FMN2: variants seen among roughly 807,000 people sequenced by gnomAD.
FMN2 encodes the protein formin 2, also known as formin-2.
FMN2 carries 51 observed loss-of-function variants against 142.3 expected under a neutral mutation model. That is an observed-to-expected ratio of 0.36 (90% CI 0.29 to 0.45). The LOEUF is 0.45. Among genes scored for constraint, FMN2 ranks in the 20% least tolerant of loss-of-function variants. The probability of loss-of-function intolerance (pLI) is 1.00; values close to 1 mark genes in which losing one functional copy is unlikely to be tolerated. For missense variants in FMN2, 1,936 were observed against 2,122.8 expected (o/e 0.91, Z 1.73); for synonymous variants, 882 against 869.8 (o/e 1.01, Z -0.25).
At chr1:240,170,143 C>T in intron 2 of FMN2, 2 of 727,166 alleles carry the variant, frequency 2.8e-6, no homozygotes, top group African/African-American at 1.8e-5. Context: ...TACAGTCCAT[C>T]CCTGGCGCCG....
chr1:240,398,123 G>C (rs902277331), intron 15 of FMN2, among the ~76,000 whole-genome samples: 1 of 151,670 alleles, frequency 6.6e-6, no homozygotes, highest in Admixed American at 6.6e-5. Context: ...AGCCTCCCCA[G>C]TAGCTAGAAT....
intron 15 of FMN2, 66 bp from the exon 16 acceptor site, chr1:240,437,995 G>A (rs950280389): frequency 2.6e-6 from 4 of 1,547,280 alleles, no homozygotes; most frequent in African/African-American, 1.4e-5. Context: ...TTTGGATAGA[G>A]AAAGAATATC....
chr1:240,138,634 G>T (rs949900856), intron 2 of FMN2, among the ~76,000 whole-genome samples: 1 of 152,072 alleles, frequency 6.6e-6, no homozygotes, highest in Non-Finnish European at 1.5e-5. Context: ...TTGAACCAAG[G>T]AGCTGGCGGT....
At chr1:240,462,626 A>G (rs1045291111) in intron 16 of FMN2, among the ~76,000 whole-genome samples, 1 of 152,180 alleles carries the variant, frequency 6.6e-6, no homozygotes, top group Non-Finnish European at 1.5e-5. Context: ...ATCATCATCC[A>G]TTCATTTAGT....
chr1:240,309,627 A>C (rs4261106), intron 8 of FMN2, among the ~76,000 whole-genome samples: 31,161 of 152,014 alleles, frequency 0.2, 3,454 homozygotes, highest in Admixed American at 0.33. Context: ...CCGCTGACCA[A>C]TTGTGCTGCA....
intron 8 of FMN2, among the ~76,000 whole-genome samples, chr1:240,317,265 G>T (rs965207629): frequency 2.6e-5 from 4 of 151,274 alleles, no homozygotes; most frequent in African/African-American, 9.7e-5. Context: ...GCAGTGAGCC[G>T]ATATCATGCC....
chr1:240,422,809 C>A (rs966212040), intron 15 of FMN2, among the ~76,000 whole-genome samples: 5 of 152,088 alleles, frequency 3.3e-5, no homozygotes, highest in Non-Finnish European at 7.4e-5. Flanking sequence ...ATTTTAGGAA[C>A]TTTTCTTAGT....
intron 15 of FMN2, among the ~76,000 whole-genome samples, chr1:240,405,225 G>A (rs893608823): frequency 1.3e-5 from 2 of 152,188 alleles, no homozygotes; most frequent in Non-Finnish European, 2.9e-5. Flanking sequence ...TGGAGAGGGC[G>A]AAGATAATAC....
chr1:240,148,216 AGAGACAGAGAGACAGAGACC>A (rs1663572821), intron 2 of FMN2, among the ~76,000 whole-genome samples: 1 of 114,090 alleles, frequency 8.8e-6, no homozygotes, highest in African/African-American at 3.0e-5. Flanking sequence ...AGAGAGAGAC[AGAGACAGAGAGACAGAGACC>A]GAGAGAGACA....
At chr1:240,259,813 T>C (rs1364410627) in intron 7 of FMN2, among the ~76,000 whole-genome samples, 4 of 152,166 alleles carry the variant, frequency 2.6e-5, no homozygotes, top group Non-Finnish European at 5.9e-5. Context: ...CATGAGTAAG[T>C]TCTTTAGTGG....
intron 1 of FMN2, among the ~76,000 whole-genome samples, chr1:240,113,365 A>C (rs147964777): frequency 2.0e-5 from 3 of 151,980 alleles, no homozygotes; most frequent in African/African-American, 2.4e-5. Flanking sequence ...GGAGATCGAG[A>C]CCATCCTGGC....
chr1:240,135,322 C>T (rs1399974878), intron 2 of FMN2, among the ~76,000 whole-genome samples: 1 of 152,154 alleles, frequency 6.6e-6, no homozygotes, highest in East Asian at 1.9e-4. Flanking sequence ...ACAGTCAATA[C>T]ATATAAATAG....
At chr1:240,350,646 A>C (rs1359663721) in intron 13 of FMN2, among the ~76,000 whole-genome samples, 2 of 152,246 alleles carry the variant, frequency 1.3e-5, no homozygotes, top group Non-Finnish European at 2.9e-5. Context: ...CCAAGATTAC[A>C]GAGCTAATAG....
Position 240,093,272 on chromosome 1 carries a change from G to T in FMN2, c.1163G>T (p.Gly388Val). The change falls in exon 1 of 18, where the codon GGA (glycine) becomes GTA (valine). Residue 388 changes from glycine to valine, a missense_variant. Physicochemically the swap from Gly to Val is moderately radical, Grantham distance 109. This residue lies in a region of FMN2 where 751 missense variants were observed against 791.8 expected (regional missense o/e 0.95). Transcript: ENST00000319653. Reference sequence around the variant, plus strand: ...GAAGAGCCGGAGGAGGAGGCGCAAGGACCTGACGCCCCCGCGGCCGCTTCC... The same window carrying T: ...GAAGAGCCGGAGGAGGAGGCGCAAGTACCTGACGCCCCCGCGGCCGCTTCC... ...LGEEPEEEAQ[G>V]PDAPAAASLP... The T allele has an allele frequency of 1.2e-6, 2 of 1,602,698 alleles. No homozygotes were observed. The highest frequency in any genetic ancestry group is 1.7e-6 in the Non-Finnish European group (2 of 1,174,558).
chr1:240,101,352 A>G (rs1206546646), intron 1 of FMN2, among the ~76,000 whole-genome samples: 3 of 152,208 alleles, frequency 2.0e-5, no homozygotes, highest in African/African-American at 7.2e-5. Flanking sequence ...GAAAATTCCT[A>G]TGCCGGAAGA....
chr1:240,266,206 C>T (rs1441240108), intron 7 of FMN2, among the ~76,000 whole-genome samples: 1 of 151,552 alleles, frequency 6.6e-6, no homozygotes. Flanking sequence ...TCTAGGAGTC[C>T]CCAGTGTCTA....
At chr1:240,218,998 G>A (rs1333220805) in intron 6 of FMN2, among the ~76,000 whole-genome samples, 1 of 152,114 alleles carries the variant, frequency 6.6e-6, no homozygotes, top group East Asian at 1.9e-4. Context: ...GATTTGAAAT[G>A]GGCCTTGAAG....
At chr1:240,292,046 T>C (rs1046093517) in intron 7 of FMN2, among the ~76,000 whole-genome samples, 5 of 152,176 alleles carry the variant, frequency 3.3e-5, no homozygotes, top group African/African-American at 1.2e-4. Context: ...CTTGAAGTAA[T>C]GCAGCAGCAA....
At chr1:240,306,101 C>T (rs1670388148) in intron 8 of FMN2, among the ~76,000 whole-genome samples, 2 of 151,920 alleles carry the variant, frequency 1.3e-5, no homozygotes, top group Admixed American at 1.3e-4. Context: ...AGGCATGTAC[C>T]ACCATGCCCA....
Sources: gnomAD v4.1 joint callset for allele counts (sites outside exome capture counted in the v4.1 genomes callset) on GRCh38, gnomAD v4.1.1 for gene constraint, gnomAD v4.1.1 regional missense constraint, MANE v1.5 for transcripts, NCBI Gene and HGNC (gene_info 2026-07-23, HGNC 2026-07-21) for gene names.